The following TRDN variants were observed in gnomAD, a reference collection of about 807,000 sequenced individuals.
The protein encoded by TRDN is triadin.
TRDN carries 161 observed loss-of-function variants against 149.7 expected under a neutral mutation model. The ratio of observed to expected loss-of-function variants is 1.08; its 90% CI spans 0.95 to 1.23. TRDN has a LOEUF of 1.23. Ranked by LOEUF, TRDN falls within the 50% of genes most tolerant of loss-of-function variation. The pLI is 0.00. For synonymous variants in TRDN, 294 were observed against 250.5 expected (o/e 1.17, Z -1.64); for missense variants, 896 against 823.5 (o/e 1.09, Z -1.08).
chr6:123,423,959 T>C (rs1774014344), intron 12 of TRDN, among the ~76,000 whole-genome samples: 1 of 152,058 alleles, frequency 6.6e-6, no homozygotes, highest in Non-Finnish European at 1.5e-5. Context: ...AAGTGACAGG[T>C]GGAACAATGA....
intron 8 of TRDN, chr6:123,502,807 T>C (rs1302315285): frequency 1.0e-6 from 1 of 985,118 alleles, no homozygotes; most frequent in African/African-American, 1.7e-5. Context: ...TTGCAATGTC[T>C]CCAAGAAACA....
chr6:123,599,374 C>G (rs919902241), intron 1 of TRDN, among the ~76,000 whole-genome samples: 2 of 152,110 alleles, frequency 1.3e-5, no homozygotes, highest in East Asian at 3.9e-4. Flanking sequence ...AAGTACACAA[C>G]TGATGCTAAA....
intron 1 of TRDN, 79 bp downstream of exon 1, chr6:123,636,675 A>G (rs1786335362): frequency 1.1e-5 from 16 of 1,518,486 alleles, no homozygotes; most frequent in Middle Eastern, 1.7e-4. Context: ...TTTTAAATGG[A>G]CACATCGACA....
At chr6:123,329,414 G>C (rs1298201632) in intron 23 of TRDN, among the ~76,000 whole-genome samples, 2 of 152,038 alleles carry the variant, frequency 1.3e-5, no homozygotes, top group Admixed American at 6.6e-5. Context: ...CTTTAACCTA[G>C]AAAATTTTCT....
intron 17 of TRDN, 31 bp from the exon 18 acceptor site, chr6:123,377,773 G>T: frequency 1.9e-6 from 3 of 1,612,494 alleles, no homozygotes; most frequent in Non-Finnish European, 2.5e-6. Context: ...AAAAAAATCA[G>T]CATTCTATGT....
rs185067431 is a variant in TRDN, at chr6:123,309,377, C to A, written c.1510+7080G>T. ...CTAGGCTAGCTCCTAAATATAGCTA[C>A]CATACTGAAACTGGGCCAAGTAGAA... On this transcript the variant is annotated intron_variant, in intron 24 of 40. Transcript: ENST00000334268. 3.3e-5 allele frequency among the ~76,000 whole-genome samples: 5 copies of A among 152,004 alleles called. No homozygotes were observed. In the East Asian group the frequency reaches 9.7e-4, roughly 29 times the overall value.
At chr6:123,379,267 T>C (rs191601729) in intron 16 of TRDN, among the ~76,000 whole-genome samples, 1 of 152,268 alleles carries the variant, frequency 6.6e-6, no homozygotes, top group East Asian at 1.9e-4. Flanking sequence ...AGGCTTCTAA[T>C]TAAATAAGTG....
Position 123,570,978 on chromosome 6 carries a change from C to T in TRDN, c.177G>A (p.Thr59=), listed in dbSNP as rs765305855. The change falls in exon 2 of 41, where the codon ACG becomes ACA. Residue 59 remains threonine (T), a synonymous_variant. Transcript: ENST00000334268. The part of the protein sequence containing the change: ...AWLLVIALII[T]WSAVAIVMFD... ...ACATAACGATGGCAACAGCTGACCA[C>T]GTGATTATCAGGGCAATGACCAGAA... 6 of 1,613,976 alleles carry T rather than the reference C, an allele frequency of 3.7e-6. No individual in the cohort carries two copies. The highest frequency in any genetic ancestry group is 2.2e-5 in the South Asian group (2 of 91,084).
intron 5 of TRDN, among the ~76,000 whole-genome samples, chr6:123,523,509 G>C (rs1779790051): frequency 6.6e-6 from 1 of 152,126 alleles, no homozygotes; most frequent in Non-Finnish European, 1.5e-5. Context: ...TAGCACTGGG[G>C]CACCAACAAA....
chr6:123,433,438 T>G (rs1774424906), intron 12 of TRDN, among the ~76,000 whole-genome samples: 1 of 151,990 alleles, frequency 6.6e-6, no homozygotes, highest in Admixed American at 6.6e-5. Context: ...TTAGGGCAGA[T>G]CTTGTCTGTT....
At chr6:123,562,057 C>T (rs548276718) in intron 2 of TRDN, among the ~76,000 whole-genome samples, 6 of 152,180 alleles carry the variant, frequency 3.9e-5, no homozygotes, top group South Asian at 2.1e-4. Flanking sequence ...TGAAAATGTC[C>T]GGTCCCTGCC....
At chr6:123,420,943 C>T (rs567381463) in intron 12 of TRDN, among the ~76,000 whole-genome samples, 293 of 152,322 alleles carry the variant, frequency 1.9e-3, no homozygotes, top group Admixed American at 5.2e-3. Flanking sequence ...CTGAAGTGCT[C>T]ATATGAAAAC....
At chr6:123,585,307 T>A (rs1035656439) in intron 1 of TRDN, among the ~76,000 whole-genome samples, 5 of 151,848 alleles carry the variant, frequency 3.3e-5, no homozygotes, top group East Asian at 1.9e-4. Context: ...AAAGGAGTGC[T>A]TAAAAGAGTA....
At chr6:123,338,253 A>G (rs1294965831) in intron 21 of TRDN, among the ~76,000 whole-genome samples, 1 of 152,148 alleles carries the variant, frequency 6.6e-6, no homozygotes, top group Non-Finnish European at 1.5e-5. Flanking sequence ...TTAGACCCAC[A>G]AACATGAAAT....
At chr6:123,259,420 T>A (rs1325320348) in intron 35 of TRDN, among the ~76,000 whole-genome samples, 1 of 152,106 alleles carries the variant, frequency 6.6e-6, no homozygotes, top group Non-Finnish European at 1.5e-5. Context: ...AAATTCCTGA[T>A]CCTTTTAGAT....
At chr6:123,328,214 T>C (rs1779532073) in intron 23 of TRDN, among the ~76,000 whole-genome samples, 1 of 152,174 alleles carries the variant, frequency 6.6e-6, no homozygotes, top group Non-Finnish European at 1.5e-5. Flanking sequence ...ATCTAAATCT[T>C]CCCTGGTGGC....
chr6:123,533,710 T>C (rs1583201970), intron 4 of TRDN, among the ~76,000 whole-genome samples: 2 of 151,870 alleles, frequency 1.3e-5, no homozygotes, highest in East Asian at 3.9e-4. Context: ...AAGACAAATC[T>C]CAAAGACTAG....
intron 1 of TRDN, among the ~76,000 whole-genome samples, chr6:123,578,124 C>T (rs978352663): frequency 6.6e-6 from 1 of 152,164 alleles, no homozygotes; most frequent in African/African-American, 2.4e-5. Flanking sequence ...CGTGCAGAAG[C>T]TCTAAAGTTT....
chr6:123,403,226 C>G (rs1030208299), intron 12 of TRDN, among the ~76,000 whole-genome samples: 1 of 151,986 alleles, frequency 6.6e-6, no homozygotes, highest in Non-Finnish European at 1.5e-5. Flanking sequence ...CAATAAAGTT[C>G]AGGGTTAAAT....
Sources: gnomAD v4.1 joint callset for allele counts (sites outside exome capture counted in the v4.1 genomes callset) on GRCh38, gnomAD v4.1.1 for gene constraint, MANE v1.5 for transcripts, NCBI Gene and HGNC (gene_info 2026-07-23, HGNC 2026-07-21) for gene names.